RIPOR2: variants seen among roughly 807,000 people sequenced by gnomAD.
The protein encoded by RIPOR2 is RHO family interacting cell polarization regulator 2.
In RIPOR2, 39 loss-of-function variants were observed where a neutral mutation model predicts 114.5. The observed-to-expected ratio is 0.34, with a 90% CI of 0.26 to 0.44. The LOEUF (loss-of-function observed/expected upper bound fraction) is 0.44. Ranked by LOEUF, RIPOR2 falls within the 20% of genes least tolerant of loss-of-function variation. RIPOR2 has a pLI of 1.00. For missense variants in RIPOR2, 1,007 were observed against 1,255.1 expected, an observed-to-expected ratio of 0.80 and a Z score of 2.99; for synonymous variants, 445 against 484.4, an observed-to-expected ratio of 0.92 and a Z score of 1.07.
intron 1 of RIPOR2, among the ~76,000 whole-genome samples, chr6:24,905,320 G>A (rs924824337): frequency 8.6e-5 from 13 of 152,024 alleles, no homozygotes; most frequent in African/African-American, 2.9e-4. Flanking sequence ...ACCTGTGGGT[G>A]TCCATCACCT....
intron 1 of RIPOR2, among the ~76,000 whole-genome samples, chr6:25,016,212 A>C (rs1051054220): frequency 1.3e-5 from 2 of 152,062 alleles, no homozygotes; most frequent in African/African-American, 2.4e-5. Context: ...CGTCCTAAAA[A>C]TGCAGTTCTA....
chr6:24,991,662 C>A (rs973743846), intron 1 of RIPOR2, among the ~76,000 whole-genome samples: 26 of 152,130 alleles, frequency 1.7e-4, no homozygotes, highest in African/African-American at 6.3e-4. Flanking sequence ...CTCTTGGAGC[C>A]CTGAGAAGTC....
intron 1 of RIPOR2, among the ~76,000 whole-genome samples, chr6:24,911,649 G>A (rs1236783048): frequency 6.6e-6 from 1 of 152,140 alleles, no homozygotes; most frequent in Non-Finnish European, 1.5e-5. Context: ...TGGTGGATTT[G>A]AATGATAAAG....
At chr6:24,832,195 G>A in intron 16 of RIPOR2, 61 bp downstream of exon 16, 1 of 1,482,508 alleles carries the variant, frequency 6.7e-7, no homozygotes, top group South Asian at 1.2e-5. Context: ...TGCATAGGGA[G>A]TGGACTGGGC....
rs1775082179 is a variant in RIPOR2, at chr6:24,997,120, C to A, written c.76+44731G>T. Among the ~76,000 whole-genome samples the A allele has an allele frequency of 2.0e-5, 3 of 152,224 alleles. No homozygotes were observed. In the South Asian group the frequency reaches 6.2e-4, roughly 32 times the overall value. The stretch of plus-strand genomic sequence containing the variant: ...CTGCTCATTGGGCTCACCTGCAGAG[C>A]TTTTAAAACTCCCAACATGCAGGCC... On this transcript the variant is annotated intron_variant, in intron 1 of 13. Transcript: ENST00000510784.
chr6:25,029,265 C>T (rs1023827526), intron 1 of RIPOR2, among the ~76,000 whole-genome samples: 1 of 150,740 alleles, frequency 6.6e-6, no homozygotes, highest in African/African-American at 2.4e-5. Flanking sequence ...TCCAGCCTGG[C>T]GACAGAGCAA....
At position 24,843,501 on chromosome 6, in the gene RIPOR2, C is replaced by T; in HGVS notation, c.1218G>A (p.Met406Ile). ...GGTCACTGAAGCTGAGCGACAGTGGCATTTTCTCCTCGGCTGCCTTTCCAT... is the reference window on the plus strand; with the variant it reads ...GGTCACTGAAGCTGAGCGACAGTGGTATTTTCTCCTCGGCTGCCTTTCCAT... Reference protein sequence around the residue: ...FENGKAAEEKMPLSLSFSDLP... With the variant: ...FENGKAAEEKIPLSLSFSDLP... Residue 406 changes from methionine (M) to isoleucine (I), a missense_variant, in exon 13 of 22, where the codon ATG becomes ATA. Met to Ile is a conservative substitution (Grantham distance 10, BLOSUM62 1). Transcript: ENST00000643898. 6.4e-7 allele frequency: 1 copy of T among 1,554,624 alleles called. No homozygotes were observed. The highest frequency in any genetic ancestry group is 1.2e-5 in the South Asian group (1 of 83,726).
chr6:24,946,620 T>A (rs752390026), intron 1 of RIPOR2, among the ~76,000 whole-genome samples: 2 of 152,118 alleles, frequency 1.3e-5, no homozygotes, highest in Non-Finnish European at 2.9e-5. Context: ...CTGGTGCAGA[T>A]CTCACATTGA....
chr6:24,903,950 C>T (rs1037459294), intron 1 of RIPOR2, among the ~76,000 whole-genome samples: 4 of 152,300 alleles, frequency 2.6e-5, no homozygotes, highest in African/African-American at 9.6e-5. Context: ...ATAGAGTGAT[C>T]GGCACTCAGC....
intron 19 of RIPOR2, among the ~76,000 whole-genome samples, chr6:24,819,932 G>A (rs890792095): frequency 1.3e-5 from 2 of 152,110 alleles, no homozygotes; most frequent in African/African-American, 4.8e-5. Flanking sequence ...TACTCTTGAA[G>A]AGAATTGAGG....
chr6:24,819,084 C>A (rs1298293915), intron 19 of RIPOR2, among the ~76,000 whole-genome samples: 1 of 151,862 alleles, frequency 6.6e-6, no homozygotes, highest in East Asian at 1.9e-4. Context: ...TTGAAATATT[C>A]TCCTAGAGTC....
At chr6:24,927,466 TCATCAC>T (rs1246256618) in intron 1 of RIPOR2, among the ~76,000 whole-genome samples, 1 of 151,900 alleles carries the variant, frequency 6.6e-6, no homozygotes, top group East Asian at 1.9e-4. Context: ...ATCATAATCA[TCATCAC>T]CATAACCACC....
rs187111940 is a variant in RIPOR2, at chr6:24,858,994, G to A, written c.715+1979C>T. 2.0e-5 allele frequency among the ~76,000 whole-genome samples: 3 copies of A among 152,250 alleles called. No homozygotes were observed. Among genetic ancestry groups the A allele is most frequent in the Admixed American group, 1.3e-4 (2 of 15,286 alleles). ...CTGCCCGTGAGGGAGACCATTCTTTGAGCAATGGTTTATATTGTCTGCTCA... is the reference window on the plus strand; with the variant it reads ...CTGCCCGTGAGGGAGACCATTCTTTAAGCAATGGTTTATATTGTCTGCTCA... On this transcript the variant is annotated intron_variant, in intron 8 of 21. Transcript: ENST00000643898. This position sits in a 1 kb window ranked among gnomAD's most constrained non-coding sequence, Gnocchi z 4.0.
intron 11 of RIPOR2, among the ~76,000 whole-genome samples, chr6:24,849,106 T>C (rs541710585): frequency 8.5e-5 from 13 of 152,332 alleles, no homozygotes; most frequent in Middle Eastern, 3.4e-3. Context: ...GGTTTCACCA[T>C]GTTGGCCAGG....
chr6:24,872,834 G>A (rs778418706), intron 4 of RIPOR2, 47 bp downstream of exon 4: 5 of 1,272,616 alleles, frequency 3.9e-6, no homozygotes, highest in Non-Finnish European at 5.7e-6. Flanking sequence ...GAAGCTATTT[G>A]GCTAAAAAGA....
At chr6:24,926,876 T>G (rs75717226) in intron 1 of RIPOR2, among the ~76,000 whole-genome samples, 40 of 151,648 alleles carry the variant, frequency 2.6e-4, no homozygotes, top group African/African-American at 9.2e-4. Flanking sequence ...AGCAGCAGCA[T>G]CATCAGCATC....
intron 6 of RIPOR2, among the ~76,000 whole-genome samples, chr6:24,868,154 T>C (rs1319593675): frequency 2.0e-5 from 3 of 152,218 alleles, no homozygotes; most frequent in Non-Finnish European, 2.9e-5. Flanking sequence ...GGCAGTAGCA[T>C]ATACATGTAT....
At chr6:24,952,026 A>G (rs540636189) in intron 1 of RIPOR2, among the ~76,000 whole-genome samples, 62 of 152,310 alleles carry the variant, frequency 4.1e-4, no homozygotes, top group Middle Eastern at 3.4e-3. Context: ...AGTGGAATGA[A>G]CCAGAATGTA....
chr6:25,032,615 C>T (rs1050003408), intron 1 of RIPOR2, among the ~76,000 whole-genome samples: 2 of 152,168 alleles, frequency 1.3e-5, no homozygotes, highest in Non-Finnish European at 2.9e-5. Context: ...TTTAAAATAG[C>T]CCAGTTTCCA....
Sources: gnomAD v4.1 joint callset for allele counts (sites outside exome capture counted in the v4.1 genomes callset) on GRCh38, gnomAD v4.1.1 for gene constraint, Gnocchi (gnomAD v3.1) non-coding constraint, MANE v1.5 for transcripts, NCBI Gene and HGNC (gene_info 2026-07-23, HGNC 2026-07-21) for gene names.